Variants in ATXN8OS observed in about 807,000 individuals in gnomAD.
The protein encoded by ATXN8OS is ATXN8 opposite strand (non-protein coding).
intron 3 of ATXN8OS, among the ~76,000 whole-genome samples, chr13:70,143,507 A>G (rs948508288): frequency 1.3e-5 from 2 of 152,148 alleles, no homozygotes; most frequent in African/African-American, 4.8e-5. Flanking sequence ...TTTCCTTACT[A>G]TGATATATAT....
At chr13:70,110,586 C>A (rs564622059) in intron 1 of ATXN8OS, among the ~76,000 whole-genome samples, 2 of 150,634 alleles carry the variant, frequency 1.3e-5, no homozygotes, top group African/African-American at 2.4e-5. Flanking sequence ...GGAGAGACTG[C>A]GAGAGAGGGA....
intron 4 of ATXN8OS, among the ~76,000 whole-genome samples, chr13:70,154,887 C>T (rs145441135): frequency 2.0e-3 from 307 of 152,284 alleles, no homozygotes; most frequent in African/African-American, 6.8e-3. Flanking sequence ...TAAGCCGGTG[C>T]CCAGGCAAAC....
chr13:70,121,250 T>C (rs761006137), intron 2 of ATXN8OS, among the ~76,000 whole-genome samples: 10 of 152,210 alleles, frequency 6.6e-5, no homozygotes, highest in Non-Finnish European at 1.3e-4. Context: ...AGACAGGGAA[T>C]GACTACTGAA....
intron 4 of ATXN8OS, among the ~76,000 whole-genome samples, chr13:70,148,104 T>C (rs147995641): frequency 1.3e-5 from 2 of 152,032 alleles, no homozygotes; most frequent in South Asian, 4.1e-4. Flanking sequence ...GAAGGAAGCC[T>C]CCAGGTAGCA....
chr13:70,134,800 A>C (rs1308730480), intron 3 of ATXN8OS, among the ~76,000 whole-genome samples: 1 of 152,182 alleles, frequency 6.6e-6, no homozygotes, highest in African/African-American at 2.4e-5. Flanking sequence ...GAAGGACTGC[A>C]ATCTGTCCCC....
chr13:70,134,757 A>G (rs980534413), intron 3 of ATXN8OS, among the ~76,000 whole-genome samples: 1 of 152,172 alleles, frequency 6.6e-6, no homozygotes, highest in Non-Finnish European at 1.5e-5. Flanking sequence ...TTGGAAATCA[A>G]CACAGGGCAA....
chr13:70,150,382 C>T (rs1397472312), intron 4 of ATXN8OS, among the ~76,000 whole-genome samples: 1 of 152,006 alleles, frequency 6.6e-6, no homozygotes, highest in Non-Finnish European at 1.5e-5. Flanking sequence ...AGGGTAACAA[C>T]AATTGCCTAG....
chr13:70,126,654 T>C (rs7998583), intron 2 of ATXN8OS, among the ~76,000 whole-genome samples: 153 of 151,886 alleles, frequency 1.0e-3, no homozygotes, highest in African/African-American at 3.6e-3. Context: ...GATAGATATA[T>C]CTATAGGCAG....
At chr13:70,139,214 T>G in intron 3 of ATXN8OS, 1 of 448,526 alleles carries the variant, frequency 2.2e-6, no homozygotes, top group Non-Finnish European at 4.0e-6. Flanking sequence ...TATTCTCTAC[T>G]ATTTCCTCAT....
chr13:70,126,290 G>A (rs1034171381), intron 2 of ATXN8OS, among the ~76,000 whole-genome samples: 25 of 152,030 alleles, frequency 1.6e-4, no homozygotes, highest in African/African-American at 6.0e-4. Flanking sequence ...TTCATAAATA[G>A]ATACATGGAC....
At chr13:70,169,291 G>A (rs1220438661) in intron 4 of ATXN8OS, among the ~76,000 whole-genome samples, 5 of 151,944 alleles carry the variant, frequency 3.3e-5, no homozygotes, top group African/African-American at 7.2e-5. Context: ...AGAAGAAAAC[G>A]TTTAATCTTT....
chr13:70,148,284 G>A (rs577170219), intron 4 of ATXN8OS, among the ~76,000 whole-genome samples: 4 of 152,240 alleles, frequency 2.6e-5, no homozygotes, highest in Non-Finnish European at 4.4e-5. Context: ...TTCAAAATAT[G>A]TCAGTGAAAT....
At chr13:70,120,155 T>C (rs751894112) in intron 2 of ATXN8OS, among the ~76,000 whole-genome samples, 3 of 152,160 alleles carry the variant, frequency 2.0e-5, no homozygotes, top group East Asian at 3.8e-4. Context: ...ATGGAGGTTA[T>C]GGGAGTTTTA....
chr13:70,110,487 AAAGG>A (rs1449928617), intron 1 of ATXN8OS, among the ~76,000 whole-genome samples: 17 of 151,848 alleles, frequency 1.1e-4, no homozygotes, highest in African/African-American at 3.6e-4. Context: ...GTGTTGTAGA[AAAGG>A]AAGGAGAAAA....
intron 4 of ATXN8OS, among the ~76,000 whole-genome samples, chr13:70,151,270 C>T (rs1035537190): frequency 6.6e-6 from 1 of 152,060 alleles, no homozygotes; most frequent in Non-Finnish European, 1.5e-5. Flanking sequence ...AGAACTGAAA[C>T]TTTCTATACA....
At chr13:70,148,104 T>A (rs147995641) in intron 4 of ATXN8OS, among the ~76,000 whole-genome samples, 279 of 152,150 alleles carry the variant, frequency 1.8e-3, no homozygotes, top group Non-Finnish European at 3.3e-3. Flanking sequence ...GAAGGAAGCC[T>A]CCAGGTAGCA....
At chr13:70,153,014 C>CTG (rs66574752) in intron 4 of ATXN8OS, among the ~76,000 whole-genome samples, 15,200 of 141,648 alleles carry the variant, frequency 0.11, 829 homozygotes, top group East Asian at 0.25. Context: ...TAAGAAAAAA[C>CTG]TGTGTGTGTG....
chr13:70,170,400 C>T (rs1889131887), exon 5 of ATXN8OS, among the ~76,000 whole-genome samples: 1 of 152,090 alleles, frequency 6.6e-6, no homozygotes, highest in African/African-American at 2.4e-5. Context: ...ATATGCAATA[C>T]ATTTTCTAAG....
At position 70,153,044 on chromosome 13, in the gene ATXN8OS, G is replaced by GTGTGTA. The variant is rs1555301474; in HGVS notation, n.573+5621_573+5622insATGTGT. Among the ~76,000 whole-genome samples, 11 of 151,624 alleles carry GTGTGTA rather than the reference G, an allele frequency of 7.3e-5. No individual in the cohort carries two copies. In the East Asian group the frequency reaches 2.1e-3, roughly 30 times the overall value. On this transcript the variant is annotated intron_variant and non_coding_transcript_variant, in intron 4 of 4. Transcript: ENST00000678624. The stretch of plus-strand genomic sequence containing the variant: ...TGTGTGTGTGTGTGTGTGTGTGTGT[G>GTGTGTA]TGTGTGTGTGTAGACTGTTATAAGG...
Sources: gnomAD v4.1 joint callset for allele counts (sites outside exome capture counted in the v4.1 genomes callset) on GRCh38, gnomAD v4.1.1 for gene constraint, MANE v1.5 for transcripts, NCBI Gene and HGNC (gene_info 2026-07-23, HGNC 2026-07-21) for gene names.